RAD23B: variants seen among roughly 807,000 people sequenced by gnomAD.
RAD23B encodes RAD23 nucleotide excision repair protein B, also known as lysine-specific demethylase RAD23B.
RAD23B carries 5 observed loss-of-function variants against 49.1 expected under a neutral mutation model. The ratio of observed to expected loss-of-function variants is 0.10; its 90% CI spans 0.05 to 0.21. The LOEUF (loss-of-function observed/expected upper bound fraction) is 0.21. Among genes scored for constraint, RAD23B ranks in the 10% least tolerant of loss-of-function variants. The pLI is 1.00. For missense variants in RAD23B, 356 were observed against 486.7 expected (o/e 0.73, Z 2.53); for synonymous variants, 184 against 165.4 (o/e 1.11, Z -0.86).
chr9:107,328,074 A>C (rs546173053), intron 9 of RAD23B, among the ~76,000 whole-genome samples: 2 of 152,014 alleles, frequency 1.3e-5, no homozygotes, highest in African/African-American at 4.8e-5. Flanking sequence ...TGTGTCTTTG[A>C]ATCTAAATTG....
intron 3 of RAD23B, among the ~76,000 whole-genome samples, chr9:107,304,190 A>G (rs1216335532): frequency 6.6e-6 from 1 of 152,240 alleles, no homozygotes; most frequent in East Asian, 1.9e-4. Context: ...AGGGCTTGGT[A>G]CTGTTTAGAA....
At chr9:107,315,014 T>C (rs1179598682) in intron 5 of RAD23B, among the ~76,000 whole-genome samples, 1 of 152,240 alleles carries the variant, frequency 6.6e-6, no homozygotes, top group Non-Finnish European at 1.5e-5. Flanking sequence ...CTTGATGTTT[T>C]AAAGTTCTGG....
chr9:107,310,723 T>C (rs1017932221), intron 4 of RAD23B, among the ~76,000 whole-genome samples: 12 of 152,230 alleles, frequency 7.9e-5, no homozygotes, highest in African/African-American at 2.9e-4. Context: ...AGTATTCTTA[T>C]TGGGTGTTAC....
At chr9:107,310,236 A>T (rs1826865701) in intron 4 of RAD23B, among the ~76,000 whole-genome samples, 1 of 152,154 alleles carries the variant, frequency 6.6e-6, no homozygotes, top group Non-Finnish European at 1.5e-5. Context: ...TTATAGATGG[A>T]TACGGATTTA....
chr9:107,288,507 G>T (rs1013141425), intron 1 of RAD23B, among the ~76,000 whole-genome samples: 1 of 152,120 alleles, frequency 6.6e-6, no homozygotes, highest in Non-Finnish European at 1.5e-5. Context: ...GTGCAGTGGC[G>T]CCATCTTGGC....
At position 107,318,295 on chromosome 9, in the gene RAD23B, A is replaced by G. The variant is rs980241284; in HGVS notation, c.554-457A>G. On this transcript the variant is annotated intron_variant, in intron 5 of 9. Transcript: ENST00000358015. The surrounding 1 kb of genome is among the most constrained non-coding windows in gnomAD (Gnocchi z 4.3). ...AGAATTTTTTTCCTGATCCTGTCCT[A>G]CCATACCTTGGCTGGTAGCCCCTTT... Among the ~76,000 whole-genome samples the G allele has an allele frequency of 6.6e-5, 10 of 152,114 alleles. No homozygotes were observed. The highest frequency in any genetic ancestry group is 1.2e-4 in the Non-Finnish European group (8 of 68,020).
At chr9:107,328,624 A>G (rs2133102186) in intron 9 of RAD23B, among the ~76,000 whole-genome samples, 1 of 152,300 alleles carries the variant, frequency 6.6e-6, no homozygotes, top group South Asian at 2.1e-4. Flanking sequence ...GTAAATACAG[A>G]TGAAGCTTCA....
At chr9:107,297,947 T>G (rs559754608) in intron 1 of RAD23B, among the ~76,000 whole-genome samples, 1 of 152,348 alleles carries the variant, frequency 6.6e-6, no homozygotes, top group East Asian at 1.9e-4. Flanking sequence ...ATGTCTATGC[T>G]CTGTTCATTT....
intron 1 of RAD23B, 25 bp from the exon 2 acceptor site, chr9:107,300,116 A>G (rs200371420): frequency 2.5e-6 from 4 of 1,586,942 alleles, no homozygotes; most frequent in Non-Finnish European, 3.4e-6. Context: ...ACTTTTTCCA[A>G]AACAAATCTT....
chr9:107,325,016 T>G lies in RAD23B; in HGVS notation c.1116+12T>G. On this transcript the variant is annotated intron_variant, in intron 9 of 9. Coordinates refer to ENST00000358015, the MANE Select transcript of RAD23B (RefSeq NM_002874.5). ...AAGCTATAGAAAGGGTGAGTTTAAGTAAAACTTTAAAAAAATTAGTTCTTG... is the reference window on the plus strand; with the variant it reads ...AAGCTATAGAAAGGGTGAGTTTAAGGAAAACTTTAAAAAAATTAGTTCTTG... 6.2e-7 allele frequency: 1 copy of G among 1,608,266 alleles called. No homozygotes were observed. Among genetic ancestry groups the G allele is most frequent in the East Asian group, 2.2e-5 (1 of 44,738 alleles).
In RAD23B at chr9:107,300,175, A is replaced by G. The variant is rs760729054; in HGVS notation, c.101A>G (p.Lys34Arg). Residue 34 changes from lysine to arginine, a missense_variant, in exon 2 of 10, where the codon AAG becomes AGG. Transcript: ENST00000358015. ...KALKEKIESE[K>R]GKDAFPVAGQ... ...CTGAAAGAGAAGATTGAATCTGAAAAGGGGAAAGATGCCTTTCCAGTAGCA... is the reference window on the plus strand; with the variant it reads ...CTGAAAGAGAAGATTGAATCTGAAAGGGGGAAAGATGCCTTTCCAGTAGCA... The G allele has an allele frequency of 6.2e-7, 1 of 1,609,238 alleles. No homozygotes were observed. The highest frequency in any genetic ancestry group is 2.2e-5 in the East Asian group (1 of 44,598).
At chr9:107,292,060 T>C (rs1564240098) in intron 1 of RAD23B, among the ~76,000 whole-genome samples, 1 of 152,204 alleles carries the variant, frequency 6.6e-6, no homozygotes, top group African/African-American at 2.4e-5. Context: ...CCTCTAGTCT[T>C]TTCAAAAAAT....
intron 1 of RAD23B, among the ~76,000 whole-genome samples, 194 bp downstream of exon 1, chr9:107,283,889 A>C (rs1055266875): frequency 6.6e-6 from 1 of 152,004 alleles, no homozygotes; most frequent in Admixed American, 6.5e-5. Flanking sequence ...TTGTGGCAGG[A>C]GAATGGGGAA....
chr9:107,302,260 T>A, intron 3 of RAD23B, 146 bp downstream of exon 3: 1 of 1,098,236 alleles, frequency 9.1e-7, no homozygotes, highest in Non-Finnish European at 1.2e-6. Context: ...GAATTTACCT[T>A]AAGTGAAACA....
At chr9:107,317,092 G>T (rs1217846200) in intron 5 of RAD23B, among the ~76,000 whole-genome samples, 3 of 46,926 alleles carry the variant, frequency 6.4e-5, no homozygotes, top group African/African-American at 3.8e-4. Flanking sequence ...GCGCACACGC[G>T]TGCGTGTGTG....
Position 107,331,581 on chromosome 9 carries a change from C to A in RAD23B, c.*1925C>A. ...TCATATATACGTTCATCTTTCAAGT[C>A]AGAGCAATGAGTTGGGAAAAGAGGT... On this transcript the variant is annotated 3_prime_UTR_variant, in exon 10 of 10. Coordinates refer to ENST00000358015, the MANE Select transcript of RAD23B (RefSeq NM_002874.5). 2.8e-6 allele frequency: 2 copies of A among 703,062 alleles called. No homozygotes were observed. The highest frequency in any genetic ancestry group is 1.6e-5 in the South Asian group (1 of 62,408). The allele number at this position is 703,062 out of a possible 1,614,324, so 43.6% of individuals were successfully genotyped here.
chr9:107,323,943 A>G lies in RAD23B; in HGVS notation c.871A>G (p.Ile291Val), dbSNP rs760865069. The change falls in exon 8 of 10, where the codon ATT (isoleucine) becomes GTT (valine). Residue 291 changes from isoleucine to valine, a missense_variant. By Grantham distance (29) the Ile-to-Val change is conservative. Around this residue, in one of 5 missense-constraint regions of RAD23B, gnomAD observed 148 missense variants for 231.7 expected, o/e 0.64. Coordinates refer to ENST00000358015, the MANE Select transcript of RAD23B (RefSeq NM_002874.5). ...NQPQFQQMRQ[I>V]IQQNPSLLPA... ...GCCTCAGTTTCAACAGATGAGACAA[A>G]TTATTCAGCAGAATCCTTCCTTGCT... The G allele has an allele frequency of 2.0e-5, 32 of 1,612,352 alleles. No individual in the cohort carries two copies. Among genetic ancestry groups the G allele is most frequent in the Non-Finnish European group, 2.6e-5 (31 of 1,178,508 alleles).
intron 1 of RAD23B, among the ~76,000 whole-genome samples, chr9:107,298,807 T>G (rs1000893629): frequency 3.9e-5 from 6 of 152,004 alleles, no homozygotes; most frequent in Non-Finnish European, 8.8e-5. Context: ...ACTGACACTG[T>G]TTTACTTTTT....
chr9:107,300,713 G>T (rs1826632785), intron 2 of RAD23B, among the ~76,000 whole-genome samples: 1 of 151,994 alleles, frequency 6.6e-6, no homozygotes, highest in Admixed American at 6.6e-5. Flanking sequence ...AAGCAACAAA[G>T]GATAAGAGTA....
Sources: gnomAD v4.1 joint callset for allele counts (sites outside exome capture counted in the v4.1 genomes callset) on GRCh38, gnomAD v4.1.1 for gene constraint, gnomAD v4.1.1 regional missense constraint, Gnocchi (gnomAD v3.1) non-coding constraint, MANE v1.5 for transcripts, NCBI Gene and HGNC (gene_info 2026-07-23, HGNC 2026-07-21) for gene names.